Variants in C10orf53 observed in about 807,000 individuals in gnomAD.
C10orf53 encodes chromosome 10 open reading frame 53, also known as UPF0728 protein C10orf53.
A neutral mutation model predicts 9.4 loss-of-function variants in C10orf53; 8 were observed. The observed-to-expected ratio is 0.85, with a 90% CI of 0.50 to 1.53. The LOEUF is 1.53. Among genes scored for constraint, C10orf53 ranks in the 40% most tolerant of loss-of-function variants. C10orf53 has a pLI of 0.00. For synonymous variants in C10orf53, 48 were observed against 46.0 expected, an observed-to-expected ratio of 1.04 and a Z score of -0.18; for missense variants, 117 against 117.8, an observed-to-expected ratio of 0.99 and a Z score of 0.03.
At chr10:49,686,858 T>C (rs1840534108) in intron 1 of C10orf53, among the ~76,000 whole-genome samples, 2 of 152,218 alleles carry the variant, frequency 1.3e-5, no homozygotes, top group Admixed American at 1.3e-4. Flanking sequence ...TGATCTTTAT[T>C]GCCCTTTGAA....
chr10:49,707,746 G>C (rs1326248122), intron 2 of C10orf53, among the ~76,000 whole-genome samples: 2 of 152,124 alleles, frequency 1.3e-5, no homozygotes, highest in Admixed American at 1.3e-4. Context: ...TGGCATGGAA[G>C]CCAGGTAGCA....
rs187525890 is a variant in C10orf53 at position 49,703,178 on chromosome 10, C to A, written c.218-5183C>A. ...ACTCTTCCCTTGGCTGTGGTTTCAC[C>A]GGATAGTAGATAGGGACAGTGAGAA... is the stretch of plus-strand genomic sequence containing the variant. On this transcript the variant is annotated intron_variant, in intron 2 of 2. Transcript: ENST00000374112. 2.6e-5 allele frequency among the ~76,000 whole-genome samples: 4 copies of A among 152,138 alleles called. No homozygotes were observed. In the East Asian group the frequency reaches 7.7e-4, roughly 29 times the overall value.
Position 49,695,881 on chromosome 10 carries a change from C to A in C10orf53, c.*1279C>A, listed in dbSNP as rs1840630122. The A allele has an allele frequency of 1.3e-5, 2 of 152,144 alleles. No individual in the cohort carries two copies. The highest frequency in any genetic ancestry group is 6.5e-5 in the Admixed American group (1 of 15,274). 9.4% of individuals were successfully genotyped at this position (152,144 alleles called of 1,614,324 possible). A position where few individuals can be genotyped will look rare whatever the true frequency, so the allele number is the denominator to read the frequency against. On this transcript the variant is annotated 3_prime_UTR_variant, in exon 3 of 3. Transcript: ENST00000374111. ...GCTGGTTTTCACATATCTTTTGTAA[C>A]CCTACATTTAGTCCCTTTTTTTCAA...
Position 49,693,762 on chromosome 10 carries a change from T to C in C10orf53, c.98-12T>C. ...ACCCCATGTCACTCACCTCCTTTTC[T>C]TTCCTTCCCAGCTGTGTTGGCCATA... On this transcript the variant is annotated splice_polypyrimidine_tract_variant and intron_variant, in intron 1 of 2. Coordinates refer to ENST00000374111, the MANE Select transcript of C10orf53 (RefSeq NM_001042427.3). 6.2e-7 allele frequency: 1 copy of C among 1,612,310 alleles called. No individual in the cohort carries two copies. The highest frequency in any genetic ancestry group is 8.5e-7 in the Non-Finnish European group (1 of 1,178,810).
intron 1 of C10orf53, among the ~76,000 whole-genome samples, chr10:49,687,684 C>G (rs747994119): frequency 6.6e-6 from 1 of 152,198 alleles, no homozygotes; most frequent in African/African-American, 2.4e-5. Context: ...GCTCTGCAAG[C>G]GTTAGTTCTT....
At chr10:49,698,747 C>T (rs1033119439), downstream of C10orf53, among the ~76,000 whole-genome samples, 9 of 152,096 alleles carry the variant, frequency 5.9e-5, no homozygotes, top group East Asian at 5.8e-4. Context: ...TGTAATCAGG[C>T]GCTATAGTGG....
chr10:49,688,336 C>A (rs536979526), intron 1 of C10orf53, among the ~76,000 whole-genome samples: 2 of 152,130 alleles, frequency 1.3e-5, no homozygotes, highest in African/African-American at 4.8e-5. Context: ...CCTCAAAGTA[C>A]GCCCAGAATT....
intron 2 of C10orf53, among the ~76,000 whole-genome samples, chr10:49,704,409 G>A (rs531800201): frequency 2.0e-5 from 3 of 152,148 alleles, no homozygotes; most frequent in Non-Finnish European, 4.4e-5. Context: ...AGGAAAATAT[G>A]TTTAACCTCA....
At chr10:49,681,611 T>G (rs76743267) in intron 1 of C10orf53, among the ~76,000 whole-genome samples, 9,354 of 152,270 alleles carry the variant, frequency 0.061, 442 homozygotes, top group African/African-American at 0.13. Flanking sequence ...TAGAAATATA[T>G]TTTTTCAGTC....
downstream of C10orf53, among the ~76,000 whole-genome samples, chr10:49,699,173 TG>T (rs1840660895): frequency 6.8e-6 from 1 of 147,996 alleles, no homozygotes; most frequent in African/African-American, 2.5e-5. Flanking sequence ...GTTAACTTTT[TG>T]TTTTGGTGGC....
intron 1 of C10orf53, among the ~76,000 whole-genome samples, chr10:49,685,039 A>G (rs1024714655): frequency 5.3e-5 from 8 of 152,210 alleles, no homozygotes; most frequent in Non-Finnish European, 8.8e-5. Flanking sequence ...AGACTGCAAC[A>G]TAGAAACTCT....
downstream of C10orf53, among the ~76,000 whole-genome samples, chr10:49,701,715 G>T (rs923897160): frequency 6.6e-6 from 1 of 152,006 alleles, no homozygotes; most frequent in Non-Finnish European, 1.5e-5. Context: ...AGCCTGCCCT[G>T]CCCTCCCACC....
At chr10:49,698,329 C>T (rs1840653575), downstream of C10orf53, among the ~76,000 whole-genome samples, 1 of 152,082 alleles carries the variant, frequency 6.6e-6, no homozygotes, top group South Asian at 2.1e-4. Context: ...GCAAGAGGGC[C>T]ATATACAAGG....
rs1332164674 is a variant in C10orf53 at position 49,706,300 on chromosome 10, G to A, written c.218-2061G>A. On this transcript the variant is annotated intron_variant, in intron 2 of 2. Transcript: ENST00000374112. ...AAGCTGTACACAAGTATTTATAGCA[G>A]CATTTATTGATAGTAGCCGAAGTTG... 2.6e-5 allele frequency among the ~76,000 whole-genome samples: 4 copies of A among 152,186 alleles called. No individual in the cohort carries two copies. In the East Asian group the frequency reaches 7.7e-4, roughly 29 times the overall value.
At chr10:49,688,351 C>T (rs574958063) in intron 1 of C10orf53, among the ~76,000 whole-genome samples, 4 of 152,126 alleles carry the variant, frequency 2.6e-5, no homozygotes, top group African/African-American at 9.6e-5. Flanking sequence ...AGAATTAATC[C>T]CTCTTAGGCC....
At chr10:49,701,079 A>G (rs778146787), downstream of C10orf53, among the ~76,000 whole-genome samples, 15 of 152,216 alleles carry the variant, frequency 9.9e-5, no homozygotes, top group Non-Finnish European at 2.1e-4. Context: ...ATCTGCATTT[A>G]CATTAGTGAG....
chr10:49,682,544 AG>A (rs1840489444), intron 1 of C10orf53, among the ~76,000 whole-genome samples: 8 of 1,242 alleles, frequency 6.4e-3, no homozygotes, highest in Non-Finnish European at 0.049. Context: ...GGGGGACAGG[AG>A]CCAGTTGCTG....
chr10:49,679,730 TG>T lies in C10orf53; in HGVS notation c.36del (p.Tyr14ThrfsTer24). On this transcript the variant is annotated frameshift_variant, in exon 1 of 3. Transcript: ENST00000374111. LOFTEE classifies it high-confidence loss of function. The stretch of plus-strand genomic sequence containing the variant: ...AGAACGCAGTGGTCATCCTGCGCTA[TG>T]GGCCCTACAGCGCGGCAGGCCTACC... Reference protein sequence around the residue: ...PKNAVVILRYGPYSAAGLPVE... With the variant: ...PKNAVVILRYXPYSAAGLPVE... 6.5e-7 allele frequency: 1 copy of T among 1,548,490 alleles called. No homozygotes were observed.
intron 2 of C10orf53, among the ~76,000 whole-genome samples, chr10:49,702,540 T>G (rs1276692041): frequency 6.6e-6 from 1 of 152,174 alleles, no homozygotes; most frequent in East Asian, 1.9e-4. Context: ...CAAGCCGGGA[T>G]GTTGATCTTC....
Sources: allele counts gnomAD v4.1 joint callset (sites outside exome capture counted in the v4.1 genomes callset), GRCh38; gene constraint gnomAD v4.1.1; transcripts MANE v1.5; gene names NCBI Gene and HGNC (gene_info 2026-07-23, HGNC 2026-07-21).